The following TBC1D4 variants were observed in gnomAD, a reference collection of about 807,000 sequenced individuals.
TBC1D4 encodes TBC (Tre-2, BUB2, CDC16) domain-containing protein.
In TBC1D4, 121 loss-of-function variants were observed where a neutral mutation model predicts 142.5. The ratio of observed to expected loss-of-function variants is 0.85; its 90% CI spans 0.73 to 0.99. The LOEUF (loss-of-function observed/expected upper bound fraction) is 0.99, where lower values mean the gene tolerates loss of function less well. Ranked by LOEUF, TBC1D4 falls within the 50% of genes least tolerant of loss-of-function variation. The pLI is 0.00. For missense variants in TBC1D4, 1,475 were observed against 1,606.6 expected, an observed-to-expected ratio of 0.92 and a Z score of 1.40; for synonymous variants, 630 against 628.2, an observed-to-expected ratio of 1.00 and a Z score of -0.04.
Position 75,336,927 on chromosome 13 carries a change from G to C in TBC1D4, c.1725C>G (p.Phe575Leu), listed in dbSNP as rs765998324. Residue 575 changes from phenylalanine to leucine, a missense_variant, in exon 8 of 21, where the codon TTC becomes TTG. Phe to Leu is a conservative substitution (Grantham distance 22). Coordinates refer to ENST00000377636, the MANE Select transcript of TBC1D4 (RefSeq NM_014832.5). ...ACCATTGGTGCAATCTTACCCTTGA[G>C]AAGATATTTTCCAGGGAGCTAGTTA... Reference protein sequence around the residue: ...RSLTSSLENIFSRGANRMRGR... With the variant: ...RSLTSSLENILSRGANRMRGR... 1 of 1,613,548 alleles carries C rather than the reference G, an allele frequency of 6.2e-7. No homozygotes were observed. The highest frequency in any genetic ancestry group is 8.5e-7 in the Non-Finnish European group (1 of 1,179,778).
intron 18 of TBC1D4, among the ~76,000 whole-genome samples, chr13:75,294,098 G>T (rs952486954): frequency 3.9e-5 from 6 of 152,142 alleles, no homozygotes; most frequent in African/African-American, 1.2e-4. Context: ...TGAAGAGTTG[G>T]TTGTTGTTGT....
intron 1 of TBC1D4, among the ~76,000 whole-genome samples, chr13:75,372,203 A>G (rs1883257398): frequency 6.6e-6 from 1 of 152,174 alleles, no homozygotes. Flanking sequence ...TCAATGTGAG[A>G]TCAGCCTACT....
At chr13:75,440,907 G>C (rs529434299) in intron 1 of TBC1D4, among the ~76,000 whole-genome samples, 1 of 151,962 alleles carries the variant, frequency 6.6e-6, no homozygotes, top group African/African-American at 2.4e-5. Context: ...TAAAAATTCA[G>C]TGAACATTTA....
intron 1 of TBC1D4, among the ~76,000 whole-genome samples, chr13:75,472,674 A>G (rs1378589859): frequency 1.3e-5 from 2 of 152,030 alleles, no homozygotes; most frequent in Non-Finnish European, 2.9e-5. Context: ...CTAGAAAGAA[A>G]TCCAATCAGG....
At chr13:75,463,672 T>C (rs1360737386) in intron 1 of TBC1D4, among the ~76,000 whole-genome samples, 2 of 152,206 alleles carry the variant, frequency 1.3e-5, no homozygotes, top group East Asian at 3.8e-4. Flanking sequence ...AAATCACAAT[T>C]ACTGATATTA....
intron 1 of TBC1D4, among the ~76,000 whole-genome samples, chr13:75,438,007 C>T (rs1310102312): frequency 6.6e-6 from 1 of 152,146 alleles, no homozygotes; most frequent in Non-Finnish European, 1.5e-5. Flanking sequence ...CAAAAAGCTA[C>T]ACAAACATGG....
chr13:75,321,876 C>T (rs1016459562), intron 11 of TBC1D4, among the ~76,000 whole-genome samples: 15 of 152,016 alleles, frequency 9.9e-5, no homozygotes, highest in Non-Finnish European at 2.2e-4. Context: ...AAATAAAATG[C>T]TCATTAAAAG....
chr13:75,341,336 C>T (rs1049797851), intron 6 of TBC1D4, 101 bp from the exon 7 acceptor site: 22 of 1,329,852 alleles, frequency 1.7e-5, no homozygotes, highest in Middle Eastern at 1.8e-4. Context: ...GTTTTAACTT[C>T]GCTCAGAAGC....
chr13:75,463,356 G>A (rs903789151), intron 1 of TBC1D4, among the ~76,000 whole-genome samples: 2 of 152,034 alleles, frequency 1.3e-5, no homozygotes, highest in African/African-American at 4.8e-5. Flanking sequence ...GTATAGGAAG[G>A]GGCCTTGGGT....
At chr13:75,383,610 G>A (rs913548035) in intron 1 of TBC1D4, among the ~76,000 whole-genome samples, 6 of 152,046 alleles carry the variant, frequency 3.9e-5, no homozygotes, top group Non-Finnish European at 7.4e-5. Flanking sequence ...TTTTATTACA[G>A]TATATTGTTA....
chr13:75,399,602 T>C (rs1401953317), intron 1 of TBC1D4, among the ~76,000 whole-genome samples: 1 of 152,224 alleles, frequency 6.6e-6, no homozygotes, highest in Non-Finnish European at 1.5e-5. Context: ...GATGCTATAA[T>C]GAGCTGAGAC....
Position 75,287,033 on chromosome 13 carries a change from G to T in TBC1D4, c.3664-8C>A, listed in dbSNP as rs373738303. On this transcript the variant is annotated splice_region_variant and splice_polypyrimidine_tract_variant and intron_variant, in intron 20 of 20. Coordinates refer to ENST00000377636, the MANE Select transcript of TBC1D4 (RefSeq NM_014832.5). ...GATTTTAGTATGAGCTACCTGTTTGGGGGGGAAAAAATCCTCCAAATCAAA... is the reference window on the plus strand; with the variant it reads ...GATTTTAGTATGAGCTACCTGTTTGTGGGGGAAAAAATCCTCCAAATCAAA... 4 of 1,599,830 alleles carry T rather than the reference G, an allele frequency of 2.5e-6. No homozygotes were observed. The South Asian group carries it at 3.3e-5, about 13-fold the overall frequency.
intron 1 of TBC1D4, among the ~76,000 whole-genome samples, chr13:75,448,128 T>A (rs1387248342): frequency 6.6e-6 from 1 of 152,180 alleles, no homozygotes; most frequent in African/African-American, 2.4e-5. Context: ...TGTTCTACAG[T>A]GACTACTTTA....
chr13:75,312,005 C>T (rs563663798), intron 13 of TBC1D4, among the ~76,000 whole-genome samples: 147 of 152,190 alleles, frequency 9.7e-4, no homozygotes, highest in South Asian at 2.7e-3. Flanking sequence ...ATTAATTTAT[C>T]GATTTCACTC....
intron 1 of TBC1D4, among the ~76,000 whole-genome samples, chr13:75,463,376 C>T (rs1225862056): frequency 1.3e-5 from 2 of 152,136 alleles, no homozygotes; most frequent in African/African-American, 4.8e-5. Context: ...TCCCCTAATG[C>T]ACTGGTTCTC....
chr13:75,363,528 A>C (rs1326684482), intron 1 of TBC1D4, among the ~76,000 whole-genome samples: 1 of 152,194 alleles, frequency 6.6e-6, no homozygotes, highest in African/African-American at 2.4e-5. Context: ...TTATGACCTA[A>C]AAACTCCCTC....
chr13:75,395,312 C>A (rs985125985), intron 1 of TBC1D4, among the ~76,000 whole-genome samples: 4 of 152,184 alleles, frequency 2.6e-5, no homozygotes, highest in African/African-American at 4.8e-5. Context: ...TAAACAGGAA[C>A]AAACATGTAC....
rs559987577 is a variant in TBC1D4 at position 75,326,283 on chromosome 13, G to A, written c.1947C>T (p.Ser649=). 1.9e-6 allele frequency: 3 copies of A among 1,614,112 alleles called. No homozygotes were observed. The East Asian group carries it at 6.7e-5, about 36-fold the overall frequency. ...CCTGCAAATTCAGCTTTCTCTTTGT[G>A]CTTGAAGGTGGGTGGCTGAACGTGT... The part of the protein sequence containing the change: ...RAHTFSHPPS[S]TKRKLNLQDG... The change falls in exon 10 of 21, where the codon AGC becomes AGT. Residue 649 remains serine (S), a synonymous_variant. Coordinates refer to ENST00000377636, the MANE Select transcript of TBC1D4 (RefSeq NM_014832.5).
chr13:75,349,482 T>C (rs1272694015), intron 4 of TBC1D4, among the ~76,000 whole-genome samples, 180 bp from the exon 5 acceptor site: 2 of 152,238 alleles, frequency 1.3e-5, no homozygotes, highest in South Asian at 2.1e-4. Context: ...ATACATATAA[T>C]TGAAAGCTGG....
Sources: gnomAD v4.1 joint callset for allele counts (sites outside exome capture counted in the v4.1 genomes callset) on GRCh38, gnomAD v4.1.1 for gene constraint, MANE v1.5 for transcripts, NCBI Gene and HGNC (gene_info 2026-07-23, HGNC 2026-07-21) for gene names.